TAFA1: variants seen among roughly 807,000 people sequenced by gnomAD.
TAFA1 encodes the protein TAFA chemokine like family member 1, also known as chemokine-like protein TAFA-1.
A neutral mutation model predicts 18.5 loss-of-function variants in TAFA1; 4 were observed. The ratio of observed to expected loss-of-function variants is 0.22; its 90% CI spans 0.11 to 0.49. The LOEUF (loss-of-function observed/expected upper bound fraction) is 0.49, where lower values mean the gene tolerates loss of function less well. Among genes scored for constraint, TAFA1 ranks in the 20% least tolerant of loss-of-function variants. TAFA1 has a pLI of 0.98. For synonymous variants in TAFA1, 56 were observed against 55.2 expected, an observed-to-expected ratio of 1.01 and a Z score of -0.06; for missense variants, 147 against 169.0, an observed-to-expected ratio of 0.87 and a Z score of 0.72.
At chr3:68,008,064 TG>T (rs1704398833) in intron 2 of TAFA1, among the ~76,000 whole-genome samples, 1 of 152,200 alleles carries the variant, frequency 6.6e-6, no homozygotes, top group East Asian at 1.9e-4. Flanking sequence ...GGGCTGAGGC[TG>T]GGGGCTGTTT....
intron 3 of TAFA1, among the ~76,000 whole-genome samples, chr3:68,447,163 A>G (rs1575875243): frequency 6.6e-6 from 1 of 152,336 alleles, no homozygotes; most frequent in Middle Eastern, 3.4e-3. Flanking sequence ...TACGTGTGCC[A>G]TGTATTATTG....
intron 2 of TAFA1, among the ~76,000 whole-genome samples, chr3:68,169,208 G>A (rs553374218): frequency 7.9e-5 from 12 of 151,954 alleles, no homozygotes; most frequent in Non-Finnish European, 1.5e-4. Context: ...GTCATAAAAG[G>A]CACTGGAGCC....
intron 3 of TAFA1, among the ~76,000 whole-genome samples, chr3:68,524,343 A>C (rs1224926373): frequency 6.6e-6 from 1 of 152,136 alleles, no homozygotes; most frequent in African/African-American, 2.4e-5. Context: ...GGATGAAAAA[A>C]TCATATAACC....
chr3:68,182,082 G>A (rs763628099), intron 2 of TAFA1, among the ~76,000 whole-genome samples: 10 of 152,048 alleles, frequency 6.6e-5, no homozygotes, highest in South Asian at 2.1e-4. Flanking sequence ...GGTGGCACAC[G>A]CTTGCAGTCT....
intron 2 of TAFA1, among the ~76,000 whole-genome samples, chr3:68,366,374 T>C (rs752800189): frequency 3.3e-5 from 5 of 152,166 alleles, no homozygotes; most frequent in South Asian, 2.1e-4. Flanking sequence ...ATCTTGACTT[T>C]CAGAAAGAAC....
At chr3:68,241,312 T>G (rs1236332326) in intron 2 of TAFA1, among the ~76,000 whole-genome samples, 1 of 152,170 alleles carries the variant, frequency 6.6e-6, no homozygotes, top group Non-Finnish European at 1.5e-5. Flanking sequence ...ATGCAGCATT[T>G]GCTTGGTGAT....
At chr3:68,081,373 G>T (rs916168606) in intron 2 of TAFA1, among the ~76,000 whole-genome samples, 5 of 152,046 alleles carry the variant, frequency 3.3e-5, no homozygotes, top group East Asian at 1.9e-4. Flanking sequence ...CGTTCCTTTG[G>T]AGGAGGAGAG....
intron 2 of TAFA1, among the ~76,000 whole-genome samples, chr3:68,390,530 T>C (rs1235384177): frequency 6.6e-6 from 1 of 152,180 alleles, no homozygotes; most frequent in Non-Finnish European, 1.5e-5. Flanking sequence ...CCTCTTCAAG[T>C]GGGTTCCTGA....
intron 2 of TAFA1, among the ~76,000 whole-genome samples, chr3:68,132,035 T>A (rs758529866): frequency 9.3e-4 from 142 of 152,098 alleles, no homozygotes; most frequent in Non-Finnish European, 1.2e-3. Flanking sequence ...CTCTAGCCCC[T>A]CATCCCCCGG....
chr3:68,208,793 TTGGGTGGTAGGCA>T (rs1417190729), intron 2 of TAFA1, among the ~76,000 whole-genome samples: 2 of 152,006 alleles, frequency 1.3e-5, no homozygotes, highest in African/African-American at 4.8e-5. Flanking sequence ...AGTTGTATGC[TTGGGTGGTAGGCA>T]TGGATCTAAG....
intron 2 of TAFA1, among the ~76,000 whole-genome samples, chr3:68,058,944 T>C (rs6798030): frequency 0.38 from 58,338 of 151,922 alleles, 11,813 homozygotes; most frequent in East Asian, 0.58. Flanking sequence ...CACCCAGTGA[T>C]TGCTGAAGAT....
chr3:68,224,940 G>A (rs1020579425), intron 2 of TAFA1, among the ~76,000 whole-genome samples: 15 of 113,920 alleles, frequency 1.3e-4, no homozygotes, highest in East Asian at 1.1e-3. Context: ...ATGGAGTCTC[G>A]CTGTGTCACC....
chr3:68,094,668 T>C (rs1248966114), intron 2 of TAFA1, among the ~76,000 whole-genome samples: 1 of 152,174 alleles, frequency 6.6e-6, no homozygotes, highest in Non-Finnish European at 1.5e-5. Flanking sequence ...TCAATTTTTC[T>C]AATCCTAGCT....
chr3:68,120,161 CTCTTTCTTTCTCTTTCTTTCTTTCTT>C (rs2065371863), intron 2 of TAFA1, among the ~76,000 whole-genome samples: 32 of 142,056 alleles, frequency 2.3e-4, no homozygotes, highest in East Asian at 4.1e-4. Flanking sequence ...TTCTTTCTTT[CTCTTTCTTTCTCTTTCTTTCTTTCTT>C]TCTTTCTTTC....
intron 2 of TAFA1, among the ~76,000 whole-genome samples, chr3:68,252,379 A>G (rs1331718863): frequency 6.6e-6 from 1 of 152,172 alleles, no homozygotes; most frequent in Non-Finnish European, 1.5e-5. Flanking sequence ...CCTTCAGACT[A>G]TATTTTGACT....
chr3:68,297,059 G>T (rs1168139264), intron 2 of TAFA1, among the ~76,000 whole-genome samples: 2 of 152,180 alleles, frequency 1.3e-5, no homozygotes, highest in Non-Finnish European at 2.9e-5. Context: ...AAACCCTGAG[G>T]TAGAAGGTAA....
In TAFA1 at chr3:68,453,818, T is replaced by C. The variant is rs1188949863; in HGVS notation, c.259+36398T>C. ...TTAGCTACAAGGTTTACATTGCAGC[T>C]GAGCTTTTCATATTTCCCATAATCC... On this transcript the variant is annotated intron_variant, in intron 3 of 4. Coordinates refer to ENST00000478136, the MANE Select transcript of TAFA1 (RefSeq NM_213609.4). Among the ~76,000 whole-genome samples, 3 of 152,238 alleles carry C rather than the reference T, an allele frequency of 2.0e-5. No individual in the cohort carries two copies. In the East Asian group the frequency reaches 5.8e-4, roughly 29 times the overall value.
intron 2 of TAFA1, among the ~76,000 whole-genome samples, chr3:68,074,657 T>C (rs2064802492): frequency 6.6e-6 from 1 of 152,208 alleles, no homozygotes; most frequent in East Asian, 1.9e-4. Flanking sequence ...TTTTACATAT[T>C]AGGAAACAGA....
At chr3:68,158,887 G>A (rs1320295772) in intron 2 of TAFA1, among the ~76,000 whole-genome samples, 1 of 152,138 alleles carries the variant, frequency 6.6e-6, no homozygotes, top group Non-Finnish European at 1.5e-5. Context: ...TTTGAATGGG[G>A]AATATCTGCA....
Sources: gnomAD v4.1 joint callset for allele counts (sites outside exome capture counted in the v4.1 genomes callset) on GRCh38, gnomAD v4.1.1 for gene constraint, MANE v1.5 for transcripts, NCBI Gene and HGNC (gene_info 2026-07-23, HGNC 2026-07-21) for gene names.